ZC3H12C: variants seen among roughly 807,000 people sequenced by gnomAD.
ZC3H12C encodes zinc finger CCCH-type containing 12C, also known as probable ribonuclease ZC3H12C.
A neutral mutation model predicts 76.3 loss-of-function variants in ZC3H12C; 20 were observed. The observed-to-expected ratio is 0.26, with a 90% CI of 0.18 to 0.38. The LOEUF is 0.38. ZC3H12C is among the 10% of genes least tolerant of loss of function. The pLI is 1.00. For synonymous variants in ZC3H12C, 352 were observed against 399.6 expected (o/e 0.88, Z 1.42); for missense variants, 874 against 1,086.5 (o/e 0.80, Z 2.75).
intron 1 of ZC3H12C, among the ~76,000 whole-genome samples, chr11:110,110,758 A>G (rs1214040062): frequency 6.6e-6 from 1 of 152,116 alleles, no homozygotes; most frequent in Non-Finnish European, 1.5e-5. Context: ...AAGGTCTTTC[A>G]GACCCCTCTT....
chr11:110,095,857 G>T (rs1228214030), intron 1 of ZC3H12C, among the ~76,000 whole-genome samples: 1 of 152,170 alleles, frequency 6.6e-6, no homozygotes, highest in Non-Finnish European at 1.5e-5. Flanking sequence ...GAGTGGGTAA[G>T]TTGGCAAATA....
intron 1 of ZC3H12C, among the ~76,000 whole-genome samples, chr11:110,126,426 C>G (rs117637275): frequency 0.014 from 2,074 of 151,952 alleles, 30 homozygotes; most frequent in Middle Eastern, 0.068. Flanking sequence ...CCCTATGTTG[C>G]CTGGGCTGGT....
intron 1 of ZC3H12C, among the ~76,000 whole-genome samples, chr11:110,125,533 A>G (rs729611): frequency 0.71 from 106,164 of 149,438 alleles, 38,211 homozygotes; most frequent in East Asian, 0.89. Flanking sequence ...GGCCAGGCTG[A>G]TGTTGAACTC....
chr11:110,137,349 G>C lies in ZC3H12C; in HGVS notation c.708G>C (p.Glu236Asp). ...ESQRSESPMQ[E>D]IVTDDGENLR... ...AGAGGTCTGAATCTCCAATGCAAGA[G>C]ATTGTAACAGATGATGGTGAAAATC... is the stretch of plus-strand genomic sequence containing the variant. The change falls in exon 2 of 6, where the codon GAG (glutamate) becomes GAC (aspartate). Residue 236 changes from glutamate (E) to aspartate (D), a missense_variant. By Grantham distance (45) the Glu-to-Asp change is conservative (BLOSUM62 2). Transcript: ENST00000278590. 1 of 1,613,700 alleles carries C rather than the reference G, an allele frequency of 6.2e-7. No homozygotes were observed. The highest frequency in any genetic ancestry group is 1.6e-4 in the Middle Eastern group (1 of 6,062).
At chr11:110,134,117 T>C (rs1030479089) in intron 1 of ZC3H12C, among the ~76,000 whole-genome samples, 1 of 152,170 alleles carries the variant, frequency 6.6e-6, no homozygotes, top group Non-Finnish European at 1.5e-5. Flanking sequence ...ACAGCACTTA[T>C]ACAAAACCCA....
At chr11:110,128,596 C>T (rs1021864482) in intron 1 of ZC3H12C, among the ~76,000 whole-genome samples, 1 of 152,114 alleles carries the variant, frequency 6.6e-6, no homozygotes, top group Admixed American at 6.5e-5. Flanking sequence ...TCTATTCATA[C>T]CAAGTAGTTT....
At chr11:110,130,821 G>A (rs1041524134) in intron 1 of ZC3H12C, among the ~76,000 whole-genome samples, 1 of 152,166 alleles carries the variant, frequency 6.6e-6, no homozygotes, top group South Asian at 2.1e-4. Flanking sequence ...GCTGCCCGGG[G>A]CAGACCCTGC....
intron 1 of ZC3H12C, among the ~76,000 whole-genome samples, chr11:110,107,535 T>A (rs1436734713): frequency 6.6e-6 from 1 of 151,926 alleles, no homozygotes; most frequent in Non-Finnish European, 1.5e-5. Context: ...TTTTTTTTGT[T>A]TTTTTTTAAG....
In ZC3H12C at chr11:110,128,889, CAAAAAAA is replaced by C. The variant is rs145436449; in HGVS notation, c.22-7758_22-7752del. 2.9e-3 allele frequency among the ~76,000 whole-genome samples: 275 copies of C among 94,154 alleles called. 2 individuals are homozygous for C. Among genetic ancestry groups the C allele is most frequent in the Middle Eastern group, 7.0e-3 (1 of 142 alleles). The allele number at this position is 94,154 out of a possible 152,430, so 61.8% of individuals were successfully genotyped here. On this transcript the variant is annotated intron_variant, in intron 1 of 5. Coordinates refer to ENST00000278590, the MANE Select transcript of ZC3H12C (RefSeq NM_033390.2). ...CAAAAAGAACTATCACCACCACTAA[CAAAAAAA>C]AAAAAAAAAAAAAAAGAGATAAAGT...
At chr11:110,124,792 G>A (rs143512344) in intron 1 of ZC3H12C, among the ~76,000 whole-genome samples, 54 of 148,640 alleles carry the variant, frequency 3.6e-4, no homozygotes, top group Non-Finnish European at 6.5e-4. Flanking sequence ...CAGAGGACCA[G>A]AGACTTGTGA....
intron 2 of ZC3H12C, among the ~76,000 whole-genome samples, chr11:110,140,068 A>G (rs987693086): frequency 1.3e-5 from 2 of 152,098 alleles, no homozygotes; most frequent in Non-Finnish European, 2.9e-5. Context: ...TTGGGAGGCC[A>G]AGGCAGGTGG....
chr11:110,165,415 G>T lies in ZC3H12C; in HGVS notation c.2330G>T (p.Trp777Leu). 1 of 1,614,028 alleles carries T rather than the reference G, an allele frequency of 6.2e-7. No individual in the cohort carries two copies. The change falls in exon 6 of 6, where the codon TGG becomes TTG. Residue 777 changes from tryptophan (W) to leucine (L), a missense_variant. This residue lies in a region of ZC3H12C where 395 missense variants were observed against 434.4 expected (regional missense o/e 0.91). Transcript: ENST00000278590. Reference protein sequence around the residue: ...PYSRQEGLGSWERPGYGIDAY... With the variant: ...PYSRQEGLGSLERPGYGIDAY... ...TCCCGCCAGGAAGGCCTGGGAAGCT[G>T]GGAGAGGCCAGGCTATGGGATCGAC...
rs117000640 is a variant in ZC3H12C, at chr11:110,112,177, C to G, written c.21+18745C>G. ...CTTAGTCATGTAAGCATCGGAACAC[C>G]TTCACTGATCTTCCTTTTGGAACAT... On this transcript the variant is annotated intron_variant, in intron 1 of 5. Transcript: ENST00000278590. Among the ~76,000 whole-genome samples the G allele has an allele frequency of 5.0e-3, 766 of 152,284 alleles. 3 individuals are homozygous for G. The highest frequency in any genetic ancestry group is 8.6e-3 in the Non-Finnish European group (582 of 68,022).
rs374188395 is a variant in ZC3H12C at position 110,137,032 on chromosome 11, C to A, written c.391C>A (p.Leu131Ile). The change falls in exon 2 of 6, where the codon CTC becomes ATC. Residue 131 changes from leucine to isoleucine, a missense_variant. Coordinates refer to ENST00000278590, the MANE Select transcript of ZC3H12C (RefSeq NM_033390.2). The stretch of plus-strand genomic sequence containing the variant: ...GTCTCCCTGTTTAGAGCCTCACATA[C>A]TCAAGCGCAATGAAATTTTGCAAGA... ...CRSPCLEPHI[L>I]KRNEILQDFK... 1.9e-6 allele frequency: 3 copies of A among 1,613,710 alleles called. No individual in the cohort carries two copies. Among genetic ancestry groups the A allele is most frequent in the Non-Finnish European group, 8.5e-7 (1 of 1,179,860 alleles).
At chr11:110,131,936 CA>C (rs1172735145) in intron 1 of ZC3H12C, among the ~76,000 whole-genome samples, 6 of 152,200 alleles carry the variant, frequency 3.9e-5, no homozygotes, top group African/African-American at 1.4e-4. Flanking sequence ...TCTGTTGCCC[CA>C]GAGCATTAAC....
At chr11:110,152,176 G>A (rs1320293362) in intron 2 of ZC3H12C, among the ~76,000 whole-genome samples, 7 of 152,180 alleles carry the variant, frequency 4.6e-5, no homozygotes, top group Admixed American at 6.5e-5. Flanking sequence ...AGAGCCTGGT[G>A]CTAGATAAAC....
intron 3 of ZC3H12C, among the ~76,000 whole-genome samples, chr11:110,157,880 G>T (rs1425759140): frequency 1.3e-5 from 2 of 152,196 alleles, no homozygotes; most frequent in African/African-American, 4.8e-5. Context: ...CTTTGGAGAG[G>T]TGATTTTTAA....
intron 2 of ZC3H12C, among the ~76,000 whole-genome samples, chr11:110,141,636 G>A (rs1228760545): frequency 2.6e-5 from 4 of 151,998 alleles, no homozygotes; most frequent in East Asian, 3.9e-4. Context: ...AAAAATTGCC[G>A]GAATTCATAC....
rs544839256 is a variant in ZC3H12C at position 110,170,117 on chromosome 11, G to C, written c.*4380G>C. Reference sequence around the variant, plus strand: ...CTTCAAAAGAGGATTGTTAGACATTGATGTTAAAGCATCTTAATTCATTTG... The same window carrying C: ...CTTCAAAAGAGGATTGTTAGACATTCATGTTAAAGCATCTTAATTCATTTG... On this transcript the variant is annotated 3_prime_UTR_variant, in exon 6 of 6. Coordinates refer to ENST00000278590, the MANE Select transcript of ZC3H12C (RefSeq NM_033390.2). 3.9e-4 allele frequency: 60 copies of C among 152,230 alleles called. 1 individual carries two copies. The highest frequency in any genetic ancestry group is 1.4e-3 in the African/African-American group (59 of 41,562). 9.4% of individuals were successfully genotyped at this position (152,230 alleles called of 1,614,324 possible).
Sources: allele counts gnomAD v4.1 joint callset (sites outside exome capture counted in the v4.1 genomes callset), GRCh38; gene constraint gnomAD v4.1.1; regional missense constraint gnomAD v4.1.1; transcripts MANE v1.5; gene names NCBI Gene and HGNC (gene_info 2026-07-23, HGNC 2026-07-21).